The following ERC2 variants were observed in gnomAD, a reference collection of about 807,000 sequenced individuals.
The protein encoded by ERC2 is ELKS/RAB6-interacting/CAST family member 2.
A neutral mutation model predicts 114.8 loss-of-function variants in ERC2; 42 were observed. That is an observed-to-expected ratio of 0.37 (90% CI 0.29 to 0.47). The LOEUF (loss-of-function observed/expected upper bound fraction) is 0.47. Ranked by LOEUF, ERC2 falls within the 20% of genes least tolerant of loss-of-function variation. ERC2 has a pLI of 0.99. For synonymous variants in ERC2, 454 were observed against 425.5 expected, an observed-to-expected ratio of 1.07 and a Z score of -0.82; for missense variants, 939 against 1,150.7, an observed-to-expected ratio of 0.82 and a Z score of 2.66.
chr3:55,959,807 A>C (rs1327890403), intron 12 of ERC2, among the ~76,000 whole-genome samples: 1 of 152,228 alleles, frequency 6.6e-6, no homozygotes, highest in African/African-American at 2.4e-5. Flanking sequence ...GTCACAGTAC[A>C]TCGCTCTCAC....
intron 17 of ERC2, among the ~76,000 whole-genome samples, chr3:55,630,244 A>G (rs1318280113): frequency 1.3e-5 from 2 of 152,172 alleles, no homozygotes; most frequent in Admixed American, 6.5e-5. Flanking sequence ...ATCTTGGCTC[A>G]CGGCAACCTC....
intron 10 of ERC2, among the ~76,000 whole-genome samples, chr3:55,997,903 TTTTTGTGTG>T (rs2071683384): frequency 7.1e-5 from 3 of 42,542 alleles, no homozygotes; most frequent in African/African-American, 1.4e-4. Flanking sequence ...TTTTTTTTTT[TTTTTGTGTG>T]TGTGTGTGTG....
intron 14 of ERC2, among the ~76,000 whole-genome samples, chr3:55,819,601 T>C (rs754017844): frequency 3.3e-5 from 5 of 152,236 alleles, no homozygotes; most frequent in Admixed American, 3.3e-4. Flanking sequence ...TAGAGGGACA[T>C]GTGGTGAGTG....
In ERC2 at chr3:55,724,378, C is replaced by T. The variant is rs79327000; in HGVS notation, c.2712+10393G>A. Reference sequence around the variant, plus strand: ...CCTTCTTTATTCTGCTTTTTAGCCTCAAGTTTACAGGGGCTAAGACCTAAC... The same window carrying T: ...CCTTCTTTATTCTGCTTTTTAGCCTTAAGTTTACAGGGGCTAAGACCTAAC... On this transcript the variant is annotated intron_variant, in intron 15 of 17. Transcript: ENST00000288221. 5.2e-3 allele frequency among the ~76,000 whole-genome samples: 797 copies of T among 152,226 alleles called. 8 individuals are homozygous for T. Among genetic ancestry groups the T allele is most frequent in the African/African-American group, 0.019 (771 of 41,538 alleles).
At chr3:55,625,762 AAAG>A (rs1359969659) in intron 17 of ERC2, among the ~76,000 whole-genome samples, 36 of 152,122 alleles carry the variant, frequency 2.4e-4, no homozygotes, top group Admixed American at 2.4e-3. Context: ...AAAAGAAAAA[AAAG>A]AAGAGGGAGG....
intron 12 of ERC2, among the ~76,000 whole-genome samples, chr3:55,980,803 T>C (rs911108337): frequency 1.3e-5 from 2 of 152,096 alleles, no homozygotes; most frequent in Non-Finnish European, 2.9e-5. Flanking sequence ...TATCTCTTAT[T>C]CTGGGTCATG....
rs183455644 is a variant in ERC2, at chr3:56,183,167, G to C, written c.1075-9647C>G. Among the ~76,000 whole-genome samples the C allele has an allele frequency of 5.9e-5, 9 of 152,196 alleles. No individual in the cohort carries two copies. In the East Asian group the frequency reaches 1.7e-3, roughly 29 times the overall value. Reference sequence around the variant, plus strand: ...ATTGACCCCATACCAGGCCACCAAGGAAAACCTCAGATGGATTCCAAAAGG... The same window carrying C: ...ATTGACCCCATACCAGGCCACCAAGCAAAACCTCAGATGGATTCCAAAAGG... On this transcript the variant is annotated intron_variant, in intron 3 of 17. Transcript: ENST00000288221.
At chr3:56,130,680 C>T (rs1251120631) in intron 6 of ERC2, among the ~76,000 whole-genome samples, 1 of 152,152 alleles carries the variant, frequency 6.6e-6, no homozygotes, top group Non-Finnish European at 1.5e-5. Context: ...CCATAAAAAG[C>T]TTTTATGACA....
intron 17 of ERC2, among the ~76,000 whole-genome samples, chr3:55,636,333 C>T (rs1011530557): frequency 6.6e-6 from 1 of 152,164 alleles, no homozygotes; most frequent in Admixed American, 6.5e-5. Context: ...AAGCCTGGTT[C>T]CAGTCCTTGT....
chr3:55,638,953 A>G (rs1327937063), intron 17 of ERC2, among the ~76,000 whole-genome samples: 1 of 152,228 alleles, frequency 6.6e-6, no homozygotes, highest in East Asian at 1.9e-4. Context: ...CAAAGACAAT[A>G]AGATGAATGG....
At chr3:56,150,148 C>T (rs2081344839) in intron 4 of ERC2, among the ~76,000 whole-genome samples, 1 of 152,148 alleles carries the variant, frequency 6.6e-6, no homozygotes, top group Non-Finnish European at 1.5e-5. Flanking sequence ...AATGCTAATA[C>T]AGAACAATCT....
At chr3:56,148,081 T>C (rs2081236315) in intron 5 of ERC2, among the ~76,000 whole-genome samples, 1 of 152,174 alleles carries the variant, frequency 6.6e-6, no homozygotes, top group Non-Finnish European at 1.5e-5. Flanking sequence ...ATTCAATGGA[T>C]ACTTAATCAG....
At chr3:56,066,384 G>A (rs1428677989) in intron 7 of ERC2, among the ~76,000 whole-genome samples, 1 of 152,074 alleles carries the variant, frequency 6.6e-6, no homozygotes, top group South Asian at 2.1e-4. Flanking sequence ...CATGTCCTTT[G>A]CCCACTTTTT....
chr3:56,061,938 C>T (rs1247508270), intron 7 of ERC2, among the ~76,000 whole-genome samples: 1 of 152,076 alleles, frequency 6.6e-6, no homozygotes, highest in Non-Finnish European at 1.5e-5. Context: ...AGCACATTAC[C>T]GTGACCAACT....
At chr3:56,122,149 G>T (rs1353830392) in intron 6 of ERC2, among the ~76,000 whole-genome samples, 1 of 152,218 alleles carries the variant, frequency 6.6e-6, no homozygotes, top group East Asian at 1.9e-4. Flanking sequence ...CTAAAGCACG[G>T]TATGTGGAGT....
At chr3:56,124,490 C>T (rs1024345348) in intron 6 of ERC2, among the ~76,000 whole-genome samples, 1 of 152,200 alleles carries the variant, frequency 6.6e-6, no homozygotes, top group African/African-American at 2.4e-5. Flanking sequence ...ATCAATGCAA[C>T]ATCTTCCTGG....
At chr3:56,070,471 A>T (rs929453204) in intron 7 of ERC2, among the ~76,000 whole-genome samples, 36 of 147,942 alleles carry the variant, frequency 2.4e-4, no homozygotes, top group African/African-American at 8.0e-4. Context: ...CCTTTTTTAA[A>T]AAAAAAAAAA....
At chr3:56,107,223 C>G (rs2078713494) in intron 6 of ERC2, among the ~76,000 whole-genome samples, 1 of 150,452 alleles carries the variant, frequency 6.6e-6, no homozygotes, top group Admixed American at 6.6e-5. Flanking sequence ...AAAGTCAATG[C>G]TATCCTGAAA....
intron 17 of ERC2, among the ~76,000 whole-genome samples, chr3:55,656,674 T>C (rs2060882363): frequency 6.6e-6 from 1 of 152,180 alleles, no homozygotes; most frequent in Admixed American, 6.5e-5. Flanking sequence ...AAAGATTCAT[T>C]AGCTTCTGAC....
Sources: gnomAD v4.1 joint callset for allele counts (sites outside exome capture counted in the v4.1 genomes callset) on GRCh38, gnomAD v4.1.1 for gene constraint, MANE v1.5 for transcripts, NCBI Gene and HGNC (gene_info 2026-07-23, HGNC 2026-07-21) for gene names.